The following STX18 variants were observed in gnomAD, a reference collection of about 807,000 sequenced individuals.
The protein encoded by STX18 is syntaxin 18, also known as syntaxin-18.
In STX18, 40 loss-of-function variants were observed where a neutral mutation model predicts 50.1. That is an observed-to-expected ratio of 0.80 (90% confidence interval 0.62 to 1.04). The LOEUF is 1.04. STX18 is among the 50% of genes least tolerant of loss of function. STX18 has a pLI of 0.00. For missense variants in STX18, 410 were observed against 415.8 expected (o/e 0.99, Z 0.12); for synonymous variants, 158 against 151.8 (o/e 1.04, Z -0.30).
At chr4:4,448,350 CTT>C (rs71638561) in intron 5 of STX18, among the ~76,000 whole-genome samples, 2 of 147,894 alleles carry the variant, frequency 1.4e-5, no homozygotes, top group South Asian at 2.1e-4. Context: ...TTATTTTATG[CTT>C]TTTTTTTTTG....
At chr4:4,452,135 G>T (rs537843682) in intron 5 of STX18, among the ~76,000 whole-genome samples, 2 of 151,654 alleles carry the variant, frequency 1.3e-5, no homozygotes, top group South Asian at 2.1e-4. Context: ...CTAATTCAGC[G>T]CAAGGCCCTA....
At chr4:4,476,169 A>G (rs909340099) in intron 1 of STX18, 4 of 152,242 alleles carry the variant, frequency 2.6e-5, no homozygotes, top group African/African-American at 9.6e-5. Context: ...AGTTTTCATC[A>G]GTGAGCTACG....
Position 4,455,556 on chromosome 4 carries a change from T to C in STX18, c.497+1635A>G, listed in dbSNP as rs565512385. On this transcript the variant is annotated intron_variant, in intron 5 of 10. Coordinates refer to ENST00000306200, the MANE Select transcript of STX18 (RefSeq NM_016930.4). ...TTTGGCAGAGTTCATGCCATCCTAATTGATAAAAACAGCTCGCCGTGCCTG... is the reference window on the plus strand; with the variant it reads ...TTTGGCAGAGTTCATGCCATCCTAACTGATAAAAACAGCTCGCCGTGCCTG... 3.3e-5 allele frequency among the ~76,000 whole-genome samples: 5 copies of C among 152,342 alleles called. No homozygotes were observed. The South Asian group carries it at 1.0e-3, about 32-fold the overall frequency.
Position 4,419,909 on chromosome 4 carries a change from C to T in STX18, c.*125G>A. The T allele has an allele frequency of 1.3e-6, 1 of 787,188 alleles. No individual in the cohort carries two copies. Among genetic ancestry groups the T allele is most frequent in the South Asian group, 1.7e-5 (1 of 59,456 alleles). 48.8% of individuals were successfully genotyped at this position (787,188 alleles called of 1,614,324 possible). ...GGGAATACGTCTGTCTGTCTGAACTCCTTTCCCTTCAAATGGCACTGTGAT... is the reference window on the plus strand; with the variant it reads ...GGGAATACGTCTGTCTGTCTGAACTTCTTTCCCTTCAAATGGCACTGTGAT... On this transcript the variant is annotated 3_prime_UTR_variant, in exon 11 of 11. Coordinates refer to ENST00000306200, the MANE Select transcript of STX18 (RefSeq NM_016930.4).
intron 6 of STX18, among the ~76,000 whole-genome samples, chr4:4,436,624 G>T (rs1354628795): frequency 1.3e-5 from 2 of 152,234 alleles, no homozygotes; most frequent in Admixed American, 1.3e-4. Flanking sequence ...GTGGCCATCA[G>T]AAGCCTTCTT....
chr4:4,431,372 A>C (rs1013272542), intron 7 of STX18, among the ~76,000 whole-genome samples: 2 of 152,218 alleles, frequency 1.3e-5, no homozygotes, highest in African/African-American at 2.4e-5. Context: ...TGAAAACCTA[A>C]GAGATTTTTA....
intron 6 of STX18, among the ~76,000 whole-genome samples, chr4:4,437,053 A>G (rs1282815185): frequency 7.0e-6 from 1 of 141,890 alleles, no homozygotes; most frequent in African/African-American, 2.6e-5. Flanking sequence ...TCCGCCTCCC[A>G]GGTTCAAGTG....
At chr4:4,425,647 T>G in intron 7 of STX18, 1 of 172,724 alleles carries the variant, frequency 5.8e-6, no homozygotes, top group Non-Finnish European at 1.2e-5. Context: ...GGATCTGGTG[T>G]GGGGAGGGTC....
In STX18 at chr4:4,420,054, G is replaced by A. The variant is rs1724845605; in HGVS notation, c.988C>T (p.Leu330Phe). ...CCTGGCTAGCTGTCGTACCAGTCGA[G>A]GAAGAGCAAGGAGAAGGAGCACATC... ...LVMCSFSLLF[L>F]DWYDS The change falls in exon 11 of 11, where the codon CTC becomes TTC. Residue 330 changes from leucine to phenylalanine, a missense_variant. By Grantham distance (22) the Leu-to-Phe change is conservative. Transcript: ENST00000306200. The surrounding 1 kb of genome is among the most constrained non-coding windows in gnomAD (Gnocchi z 4.3). 1 of 1,612,984 alleles carries A rather than the reference G, an allele frequency of 6.2e-7. No individual in the cohort carries two copies. Among genetic ancestry groups the A allele is most frequent in the Admixed American group, 1.7e-5 (1 of 59,906 alleles).
intron 1 of STX18, among the ~76,000 whole-genome samples, chr4:4,525,100 A>G (rs1387730479): frequency 6.6e-6 from 1 of 152,140 alleles, no homozygotes; most frequent in Non-Finnish European, 1.5e-5. Context: ...TATGAAAAGA[A>G]TAAAGTTTTA....
At chr4:4,478,335 T>C (rs575153830) in intron 1 of STX18, among the ~76,000 whole-genome samples, 1 of 151,796 alleles carries the variant, frequency 6.6e-6, no homozygotes, top group Non-Finnish European at 1.5e-5. Flanking sequence ...GGCAAGCCCA[T>C]AGGGGTATTG....
chr4:4,437,350 T>G (rs1051053098), intron 6 of STX18, among the ~76,000 whole-genome samples: 2 of 152,196 alleles, frequency 1.3e-5, no homozygotes, highest in African/African-American at 4.8e-5. Context: ...GGCTAGAGCC[T>G]TATCTTTCCC....
chr4:4,484,125 G>C (rs1031652439), intron 1 of STX18, among the ~76,000 whole-genome samples: 1 of 152,138 alleles, frequency 6.6e-6, no homozygotes, highest in Non-Finnish European at 1.5e-5. Context: ...GCCTCCCAAA[G>C]TGCTGGGATT....
intron 1 of STX18, among the ~76,000 whole-genome samples, chr4:4,483,493 T>C (rs571181333): frequency 2.6e-5 from 4 of 152,350 alleles, no homozygotes; most frequent in East Asian, 3.9e-4. Context: ...TAATTAAACA[T>C]CTTCATTCCC....
chr4:4,438,153 GC>G (rs770088381), intron 6 of STX18, among the ~76,000 whole-genome samples: 8 of 152,196 alleles, frequency 5.3e-5, no homozygotes, highest in Non-Finnish European at 1.2e-4. Context: ...CCTCCAGCAG[GC>G]CCTTTCTCCC....
At chr4:4,475,485 T>C (rs1484342926) in intron 1 of STX18, among the ~76,000 whole-genome samples, 1 of 150,476 alleles carries the variant, frequency 6.6e-6, no homozygotes, top group East Asian at 1.9e-4. Context: ...AAAAAAAACA[T>C]GACAAATCAA....
At chr4:4,473,935 G>A (rs951312003) in intron 1 of STX18, among the ~76,000 whole-genome samples, 1 of 152,088 alleles carries the variant, frequency 6.6e-6, no homozygotes, top group Non-Finnish European at 1.5e-5. Flanking sequence ...TCTAAACAAC[G>A]GGAAAAAGTC....
chr4:4,513,165 T>C (rs1355253670), intron 1 of STX18, among the ~76,000 whole-genome samples: 2 of 152,188 alleles, frequency 1.3e-5, no homozygotes, highest in African/African-American at 2.4e-5. Flanking sequence ...GTTGTCTCTT[T>C]AGGAAACCTC....
At chr4:4,495,563 CTTTTTTT>C (rs35298335) in intron 1 of STX18, among the ~76,000 whole-genome samples, 1 of 129,998 alleles carries the variant, frequency 7.7e-6, no homozygotes, top group Non-Finnish European at 1.7e-5. Flanking sequence ...TTTTTCTTTT[CTTTTTTT>C]TTTTTTTTTT....
Sources: gnomAD v4.1 joint callset for allele counts (sites outside exome capture counted in the v4.1 genomes callset) on GRCh38, gnomAD v4.1.1 for gene constraint, Gnocchi (gnomAD v3.1) non-coding constraint, MANE v1.5 for transcripts, NCBI Gene and HGNC (gene_info 2026-07-23, HGNC 2026-07-21) for gene names.